The following UNC13C variants were observed in gnomAD, a reference collection of about 807,000 sequenced individuals.
UNC13C encodes protein unc-13 homolog C.
A neutral mutation model predicts 245.4 loss-of-function variants in UNC13C; 174 were observed. The ratio of observed to expected loss-of-function variants is 0.71; its 90% confidence interval spans 0.63 to 0.80. UNC13C has a LOEUF of 0.80. Among genes scored for constraint, UNC13C ranks in the 30% least tolerant of loss-of-function variants. The probability of loss-of-function intolerance (pLI) is 0.00; values close to 1 mark genes in which losing one functional copy is unlikely to be tolerated. For missense variants in UNC13C, 2,829 were observed against 2,602.9 expected, an observed-to-expected ratio of 1.09 and a Z score of -1.89; for synonymous variants, 992 against 895.1, an observed-to-expected ratio of 1.11 and a Z score of -1.93.
rs1170424600 is a variant in UNC13C at position 54,014,310 on chromosome 15, C to T, written c.1407C>T (p.Ser469=). ...ATAGAAACAGTTACGCTGTGCTTTC[C>T]AAGTCAGAGCTTCTAACAAAGGGAA... ...DLNRNSYAVL[S]KSELLTKGST... The change falls in exon 2 of 33, where the codon TCC becomes TCT. Residue 469 remains serine (S), a synonymous_variant. Coordinates refer to ENST00000260323, the MANE Select transcript of UNC13C (RefSeq NM_001080534.3). The T allele has an allele frequency of 1.9e-6, 3 of 1,613,776 alleles. No homozygotes were observed. The highest frequency in any genetic ancestry group is 2.5e-6 in the Non-Finnish European group (3 of 1,179,850).
At chr15:54,125,494 T>G (rs184204050) in intron 2 of UNC13C, among the ~76,000 whole-genome samples, 54 of 152,256 alleles carry the variant, frequency 3.5e-4, no homozygotes, top group African/African-American at 1.3e-3. Flanking sequence ...TTCTAGGTTT[T>G]GGTAAAAATT....
chr15:54,332,094 G>T lies in UNC13C; in HGVS notation c.4477G>T (p.Asp1493Tyr). 1.9e-6 allele frequency: 3 copies of T among 1,578,098 alleles called. No individual in the cohort carries two copies. The highest frequency in any genetic ancestry group is 1.2e-5 in the South Asian group (1 of 85,656). ...LDQLHNSLRI[D>Y]LSKYRENFPA... ...CCAGTTACATAACTCTTTGAGGATT[G>T]ATCTGTCAAAGTATAGGGTATGTAC... Residue 1493 changes from aspartate to tyrosine, a missense_variant, in exon 15 of 33, where the codon GAT becomes TAT. By Grantham distance (160) the Asp-to-Tyr change is radical (BLOSUM62 -3). Transcript: ENST00000260323.
chr15:54,056,533 T>G (rs945094474), intron 2 of UNC13C, among the ~76,000 whole-genome samples: 1 of 152,142 alleles, frequency 6.6e-6, no homozygotes, highest in African/African-American at 2.4e-5. Flanking sequence ...TGGAAAACAT[T>G]CTGCAGGATA....
the UNC13C span, among the ~76,000 whole-genome samples, chr15:53,972,020 C>A: frequency 1.3e-5 from 2 of 152,132 alleles, no homozygotes; most frequent in Non-Finnish European, 2.9e-5. Context: ...ACTATGGGTT[C>A]ATTGTCTTGA....
At chr15:54,105,456 T>C (rs1900392828) in intron 2 of UNC13C, among the ~76,000 whole-genome samples, 2 of 152,198 alleles carry the variant, frequency 1.3e-5, no homozygotes, top group African/African-American at 4.8e-5. Context: ...CCATTCTCTT[T>C]CCTTCATTCT....
chr15:54,228,605 GGCA>G (rs763421137), intron 4 of UNC13C, among the ~76,000 whole-genome samples: 10 of 152,128 alleles, frequency 6.6e-5, no homozygotes, highest in East Asian at 1.9e-4. Flanking sequence ...TTCCCTTCAA[GGCA>G]GCAGGTTCCC....
At chr15:54,182,071 T>A (rs977750790) in intron 4 of UNC13C, among the ~76,000 whole-genome samples, 1 of 152,082 alleles carries the variant, frequency 6.6e-6, no homozygotes, top group African/African-American at 2.4e-5. Context: ...TAGTACTATG[T>A]TGAATAGGAG....
intron 4 of UNC13C, among the ~76,000 whole-genome samples, chr15:54,176,840 G>T (rs1032602598): frequency 6.6e-6 from 1 of 152,062 alleles, no homozygotes; most frequent in Non-Finnish European, 1.5e-5. Flanking sequence ...ACAAAAAGAT[G>T]AATTGTTTAT....
chr15:54,626,525 G>C (rs909685301), intron 32 of UNC13C, among the ~76,000 whole-genome samples: 1 of 152,014 alleles, frequency 6.6e-6, no homozygotes, highest in East Asian at 1.9e-4. Context: ...CATTACCCTG[G>C]CCTAGCCCCC....
At chr15:53,887,447 T>G in the UNC13C span, among the ~76,000 whole-genome samples, 3 of 152,312 alleles carry the variant, frequency 2.0e-5, no homozygotes, top group African/African-American at 7.2e-5. Context: ...TTAACATTTT[T>G]TACTGCTTAT....
chr15:54,159,496 A>AT (rs2032888206), intron 4 of UNC13C, among the ~76,000 whole-genome samples: 1 of 152,204 alleles, frequency 6.6e-6, no homozygotes, highest in African/African-American at 2.4e-5. Flanking sequence ...TTCCTTGTGC[A>AT]TGTTGTATTT....
the UNC13C span, among the ~76,000 whole-genome samples, chr15:53,952,265 AG>A: frequency 1.5e-4 from 23 of 152,288 alleles, no homozygotes; most frequent in African/African-American, 4.8e-4. Flanking sequence ...ATGTGGCAAT[AG>A]TGGCTAAAAT....
chr15:54,380,973 C>T (rs1489975530), intron 17 of UNC13C, among the ~76,000 whole-genome samples: 1 of 151,992 alleles, frequency 6.6e-6, no homozygotes, highest in Non-Finnish European at 1.5e-5. Context: ...AGTGTAAACC[C>T]ATTTGTTTAT....
At chr15:54,401,946 T>G (rs1469377129) in intron 18 of UNC13C, among the ~76,000 whole-genome samples, 1 of 152,130 alleles carries the variant, frequency 6.6e-6, no homozygotes, top group African/African-American at 2.4e-5. Context: ...TTTTAATTAT[T>G]TGTAGTTACT....
At chr15:54,436,690 C>A (rs914156379) in intron 19 of UNC13C, among the ~76,000 whole-genome samples, 1 of 151,736 alleles carries the variant, frequency 6.6e-6, no homozygotes, top group African/African-American at 2.4e-5. Context: ...GGAAGAAGAG[C>A]CTTAGGACAA....
intron 10 of UNC13C, among the ~76,000 whole-genome samples, chr15:54,290,558 A>C (rs1053838360): frequency 6.6e-6 from 1 of 152,086 alleles, no homozygotes; most frequent in African/African-American, 2.4e-5. Context: ...ATTTGGAAAG[A>C]AAGATAATAT....
At position 54,361,778 on chromosome 15, in the gene UNC13C, C is replaced by A. The variant is rs545924990; in HGVS notation, c.4713+23289C>A. 5.9e-5 allele frequency among the ~76,000 whole-genome samples: 9 copies of A among 152,342 alleles called. 3 individuals are homozygous for A. The highest frequency in any genetic ancestry group is 2.2e-4 in the African/African-American group (9 of 41,590). ...TTTCCTGGTTTGAGTAAGACTTACTCTGTGAGTTGAAGCTGAAATGCTGCA... is the reference window on the plus strand; with the variant it reads ...TTTCCTGGTTTGAGTAAGACTTACTATGTGAGTTGAAGCTGAAATGCTGCA... On this transcript the variant is annotated intron_variant, in intron 17 of 32. Coordinates refer to ENST00000260323, the MANE Select transcript of UNC13C (RefSeq NM_001080534.3).
At chr15:54,196,245 A>C (rs1286246327) in intron 4 of UNC13C, among the ~76,000 whole-genome samples, 5 of 152,168 alleles carry the variant, frequency 3.3e-5, no homozygotes, top group African/African-American at 1.2e-4. Flanking sequence ...GTGAAAGTGG[A>C]AATGCAGAGA....
At chr15:54,118,571 T>C (rs192184462) in intron 2 of UNC13C, among the ~76,000 whole-genome samples, 2 of 152,298 alleles carry the variant, frequency 1.3e-5, no homozygotes, top group Admixed American at 1.3e-4. Context: ...TTTTCTAATA[T>C]AATATCATGT....
Sources: allele counts gnomAD v4.1 joint callset (sites outside exome capture counted in the v4.1 genomes callset), GRCh38; gene constraint gnomAD v4.1.1; transcripts MANE v1.5; gene names NCBI Gene and HGNC (gene_info 2026-07-23, HGNC 2026-07-21).